Variants in ME1 observed in about 807,000 individuals in gnomAD.
ME1 encodes malic enzyme 1, also known as NADP-dependent malic enzyme.
A neutral mutation model predicts 66.4 loss-of-function variants in ME1; 74 were observed. That is an observed-to-expected ratio of 1.11 (90% CI 0.92 to 1.35). ME1 has a LOEUF of 1.35. ME1 is among the 40% of genes most tolerant of loss of function. The pLI is 0.00. For missense variants in ME1, 750 were observed against 694.1 expected (o/e 1.08, Z -0.90); for synonymous variants, 251 against 235.6 (o/e 1.07, Z -0.60).
At chr6:83,417,952 G>A (rs1384910994) in intron 1 of ME1, among the ~76,000 whole-genome samples, 1 of 152,144 alleles carries the variant, frequency 6.6e-6, no homozygotes, top group East Asian at 1.9e-4. Flanking sequence ...GGAGACCACA[G>A]ACTTCATCAA....
At chr6:83,233,332 T>G (rs1790338030) in intron 9 of ME1, among the ~76,000 whole-genome samples, 1 of 152,260 alleles carries the variant, frequency 6.6e-6, no homozygotes, top group African/African-American at 2.4e-5. Flanking sequence ...TATAAAAAAC[T>G]AAAGCATCTT....
At position 83,324,619 on chromosome 6, in the gene ME1, C is replaced by T. The variant is rs113608522; in HGVS notation, c.601-9206G>A. On this transcript the variant is annotated intron_variant, in intron 5 of 13. Coordinates refer to ENST00000369705, the MANE Select transcript of ME1 (RefSeq NM_002395.6). ...GAAGAAATGGATAAATTCCTGCACA[C>T]ATACAGCCTCCCAAGACTAAACTAG... 5.4e-3 allele frequency among the ~76,000 whole-genome samples: 793 copies of T among 145,794 alleles called. 11 individuals are homozygous for T. The highest frequency in any genetic ancestry group is 0.019 in the African/African-American group (740 of 39,558).
At chr6:83,333,261 G>C (rs960869691) in intron 5 of ME1, among the ~76,000 whole-genome samples, 1 of 152,098 alleles carries the variant, frequency 6.6e-6, no homozygotes, top group African/African-American at 2.4e-5. Flanking sequence ...AAAATATGCA[G>C]AGATTCAAAA....
intron 5 of ME1, among the ~76,000 whole-genome samples, chr6:83,330,187 T>C (rs4576218): frequency 6.6e-6 from 1 of 152,224 alleles, no homozygotes; most frequent in African/African-American, 2.4e-5. Flanking sequence ...TTATCTTCTA[T>C]ACTGATGTAA....
At chr6:83,306,166 C>T (rs996199340) in intron 6 of ME1, among the ~76,000 whole-genome samples, 9 of 151,814 alleles carry the variant, frequency 5.9e-5, no homozygotes, top group South Asian at 2.1e-4. Context: ...TACCAATGAG[C>T]GGATGTATCA....
At chr6:83,417,621 C>T (rs1188632455) in intron 1 of ME1, among the ~76,000 whole-genome samples, 1 of 151,296 alleles carries the variant, frequency 6.6e-6, no homozygotes, top group African/African-American at 2.4e-5. Flanking sequence ...CCTTGTGATC[C>T]ACCCGCCTTG....
At chr6:83,325,164 AC>A (rs780153655) in intron 5 of ME1, among the ~76,000 whole-genome samples, 2 of 152,184 alleles carry the variant, frequency 1.3e-5, no homozygotes, top group South Asian at 2.1e-4. Context: ...AAATTCAACA[AC>A]CCTTCATGCT....
At chr6:83,255,589 C>A (rs1430598894) in intron 6 of ME1, among the ~76,000 whole-genome samples, 1 of 151,556 alleles carries the variant, frequency 6.6e-6, no homozygotes, top group African/African-American at 2.4e-5. Flanking sequence ...ACTGTTAGGC[C>A]ATAGATTAAA....
At position 83,398,355 on chromosome 6, in the gene ME1, A is replaced by G; in HGVS notation, c.362+12T>C. The G allele has an allele frequency of 6.4e-7, 1 of 1,550,620 alleles. No homozygotes were observed. The highest frequency in any genetic ancestry group is 8.7e-7 in the Non-Finnish European group (1 of 1,154,494). ...AAGACACAAGTTGCATATAAAATAAAAGTTGACATACCTTGGCTTCCGAAA... is the reference window on the plus strand; with the variant it reads ...AAGACACAAGTTGCATATAAAATAAGAGTTGACATACCTTGGCTTCCGAAA... On this transcript the variant is annotated intron_variant, in intron 3 of 13. Transcript: ENST00000369705.
At chr6:83,355,877 A>G (rs1562488824) in intron 3 of ME1, among the ~76,000 whole-genome samples, 1 of 152,132 alleles carries the variant, frequency 6.6e-6, no homozygotes, top group African/African-American at 2.4e-5. Context: ...CATCCCTGTT[A>G]TTCTTGATCA....
chr6:83,217,129 C>T (rs960288322), intron 12 of ME1, among the ~76,000 whole-genome samples: 4 of 152,286 alleles, frequency 2.6e-5, no homozygotes, highest in East Asian at 3.9e-4. Flanking sequence ...CCTAATTAGC[C>T]TCAACATTTA....
intron 6 of ME1, among the ~76,000 whole-genome samples, chr6:83,291,233 G>A (rs1767496852): frequency 6.6e-6 from 1 of 152,176 alleles, no homozygotes; most frequent in Non-Finnish European, 1.5e-5. Context: ...TTTACAATTT[G>A]GCCTGTTTTT....
intron 1 of ME1, among the ~76,000 whole-genome samples, chr6:83,424,106 A>G (rs1770323370): frequency 6.6e-6 from 1 of 152,026 alleles, no homozygotes; most frequent in African/African-American, 2.4e-5. Context: ...CAAAAAAAAA[A>G]AAAAAGGTAT....
chr6:83,360,393 C>T (rs1046485979), intron 3 of ME1, among the ~76,000 whole-genome samples: 1 of 152,106 alleles, frequency 6.6e-6, no homozygotes, highest in African/African-American at 2.4e-5. Flanking sequence ...TGTGGTCCTC[C>T]AGTTAAAGTA....
intron 3 of ME1, among the ~76,000 whole-genome samples, chr6:83,375,706 T>C (rs1769275015): frequency 6.6e-6 from 1 of 152,208 alleles, no homozygotes; most frequent in Admixed American, 6.5e-5. Flanking sequence ...CTTTTGTGCA[T>C]TCAGTATGAT....
intron 2 of ME1, among the ~76,000 whole-genome samples, chr6:83,403,966 C>T (rs112887546): frequency 3.9e-5 from 6 of 151,982 alleles, no homozygotes; most frequent in South Asian, 2.1e-4. Context: ...AGTAAACATA[C>T]GTGTGCATGT....
At chr6:83,230,591 A>C (rs912582761) in intron 9 of ME1, among the ~76,000 whole-genome samples, 5 of 152,136 alleles carry the variant, frequency 3.3e-5, no homozygotes, top group African/African-American at 1.2e-4. Context: ...AGAAGAAAAA[A>C]ATCATAATTC....
At chr6:83,415,565 G>C (rs1001500281) in intron 1 of ME1, among the ~76,000 whole-genome samples, 2 of 152,070 alleles carry the variant, frequency 1.3e-5, no homozygotes, top group Non-Finnish European at 2.9e-5. Context: ...TCTGTAGTTC[G>C]GTTCTGTGTA....
At chr6:83,400,057 T>C (rs1239870968) in intron 2 of ME1, among the ~76,000 whole-genome samples, 1 of 152,190 alleles carries the variant, frequency 6.6e-6, no homozygotes, top group Non-Finnish European at 1.5e-5. Flanking sequence ...TGACTTCCAA[T>C]CTATCATATT....
Sources: gnomAD v4.1 joint callset for allele counts (sites outside exome capture counted in the v4.1 genomes callset) on GRCh38, gnomAD v4.1.1 for gene constraint, MANE v1.5 for transcripts, NCBI Gene and HGNC (gene_info 2026-07-23, HGNC 2026-07-21) for gene names.